Variants in RIC1 observed in about 807,000 individuals in gnomAD.
The protein encoded by RIC1 is RIC1 partner of RAB6A GEF complex, also known as guanine nucleotide exchange factor subunit RIC1.
In RIC1, 88 loss-of-function variants were observed where a neutral mutation model predicts 169.0. The ratio of observed to expected loss-of-function variants is 0.52; its 90% CI spans 0.44 to 0.62. The LOEUF is 0.62. RIC1 is among the 20% of genes least tolerant of loss of function. The probability of loss-of-function intolerance (pLI) is 0.00; values close to 1 mark genes in which losing one functional copy is unlikely to be tolerated. For missense variants in RIC1, 1,877 were observed against 1,725.5 expected (o/e 1.09, Z -1.56); for synonymous variants, 790 against 601.5 (o/e 1.31, Z -4.59).
intron 2 of RIC1, among the ~76,000 whole-genome samples, chr9:5,687,557 T>G (rs1464792619): frequency 6.6e-6 from 1 of 152,160 alleles, no homozygotes; most frequent in East Asian, 1.9e-4. Flanking sequence ...AAAATTTCCC[T>G]TTTTCTCCTT....
Position 5,629,301 on chromosome 9 carries a change from G to A in RIC1, c.-9G>A, listed in dbSNP as rs1201295095. On this transcript the variant is annotated 5_prime_UTR_variant, in exon 1 of 26. Transcript: ENST00000414202. ...CGCAACTGGGGGCGCCGGGGGCTCC[G>A]CACGGACCATGTATTTTCTGAGCGG... 8.6e-6 allele frequency: 13 copies of A among 1,503,782 alleles called. No homozygotes were observed. The highest frequency in any genetic ancestry group is 1.1e-5 in the Non-Finnish European group (13 of 1,132,080). The allele number at this position is 1,503,782 out of a possible 1,614,324, so 93.2% of individuals were successfully genotyped here.
At chr9:5,661,420 T>G in intron 2 of RIC1, among the ~76,000 whole-genome samples, 1 of 152,224 alleles carries the variant, frequency 6.6e-6, no homozygotes, top group Non-Finnish European at 1.5e-5. Context: ...TAAATTACTT[T>G]GGGTAGTATA....
At chr9:5,773,715 TA>T (rs1316653531) in intron 25 of RIC1, among the ~76,000 whole-genome samples, 1 of 152,236 alleles carries the variant, frequency 6.6e-6, no homozygotes, top group Non-Finnish European at 1.5e-5. Context: ...ATACTGGTTC[TA>T]AAACATCAGC....
chr9:5,715,776 G>T (rs1262895244), intron 4 of RIC1, among the ~76,000 whole-genome samples: 1 of 151,832 alleles, frequency 6.6e-6, no homozygotes, highest in African/African-American at 2.4e-5. Flanking sequence ...TAATTTTAAT[G>T]AGAGTTTCCC....
chr9:5,775,434 ATAACAGTAT>A lies in RIC1; in HGVS notation c.*1192_*1200del. Reference sequence around the variant, plus strand: ...CACTGTATGTAATTCTAATTACCTTATAACAGTATTAAGACAGCTTGTTTGTACTGTGCA... The same window carrying A: ...CACTGTATGTAATTCTAATTACCTTATAAGACAGCTTGTTTGTACTGTGCA... On this transcript the variant is annotated 3_prime_UTR_variant, in exon 26 of 26. Coordinates refer to ENST00000414202, the MANE Select transcript of RIC1 (RefSeq NM_020829.4). The A allele has an allele frequency of 6.6e-6, 1 of 152,364 alleles. No homozygotes were observed. The highest frequency in any genetic ancestry group is 2.1e-4 in the South Asian group (1 of 4,832). 9.4% of individuals were successfully genotyped at this position (152,364 alleles called of 1,614,324 possible).
In RIC1 at chr9:5,763,536, G is replaced by C. The variant is rs755968626; in HGVS notation, c.2509G>C (p.Val837Leu). 6.2e-7 allele frequency: 1 copy of C among 1,614,080 alleles called. No homozygotes were observed. Among genetic ancestry groups the C allele is most frequent in the East Asian group, 2.2e-5 (1 of 44,876 alleles). Reference protein sequence around the residue: ...YLHHILRQLLVRNLGEQALLL... With the variant: ...YLHHILRQLLLRNLGEQALLL... Reference sequence around the variant, plus strand: ...CCACCACATTCTACGTCAACTTCTGGTCAGAAACCTTGGGGAGCAAGCCTT... The same window carrying C: ...CCACCACATTCTACGTCAACTTCTGCTCAGAAACCTTGGGGAGCAAGCCTT... The change falls in exon 19 of 26, where the codon GTC (valine) becomes CTC (leucine). Residue 837 changes from valine to leucine, a missense_variant. Around this residue, in one of 3 missense-constraint regions of RIC1, gnomAD observed 92 missense variants for 151.5 expected, o/e 0.61. Coordinates refer to ENST00000414202, the MANE Select transcript of RIC1 (RefSeq NM_020829.4). This position sits in a 1 kb window ranked among gnomAD's most constrained non-coding sequence, Gnocchi z 5.2.
At chr9:5,749,359 G>A (rs1372365794) in intron 12 of RIC1, among the ~76,000 whole-genome samples, 1 of 152,280 alleles carries the variant, frequency 6.6e-6, no homozygotes, top group South Asian at 2.1e-4. Context: ...GTATAGGGCA[G>A]TATACAGTGT....
intron 7 of RIC1, among the ~76,000 whole-genome samples, chr9:5,738,098 A>G (rs377051723): frequency 1.3e-5 from 2 of 152,172 alleles, no homozygotes; most frequent in African/African-American, 4.8e-5. Flanking sequence ...CAGTGCTGTA[A>G]GGTATAGTAT....
intron 23 of RIC1, 58 bp downstream of exon 23, chr9:5,770,336 T>C (rs1827122566): frequency 1.4e-6 from 2 of 1,403,884 alleles, no homozygotes; most frequent in South Asian, 1.3e-5. Context: ...TTATGTGCTA[T>C]AGCACTTCAG....
intron 6 of RIC1, among the ~76,000 whole-genome samples, chr9:5,726,499 C>A (rs1277359728): frequency 6.6e-6 from 1 of 152,170 alleles, no homozygotes; most frequent in South Asian, 2.1e-4. Flanking sequence ...GGTCTTGACA[C>A]TTTATCCAAT....
intron 3 of RIC1, among the ~76,000 whole-genome samples, chr9:5,702,503 TTTTTG>T (rs1240890964): frequency 2.9e-4 from 42 of 143,532 alleles, no homozygotes; most frequent in Admixed American, 4.8e-4. Flanking sequence ...ACACACTTTT[TTTTTG>T]TTTTGTTTTG....
Position 5,774,371 on chromosome 9 carries a change from G to A in RIC1, c.*125G>A. The A allele has an allele frequency of 1.4e-6, 1 of 691,542 alleles. No homozygotes were observed. Among genetic ancestry groups the A allele is most frequent in the Non-Finnish European group, 2.2e-6 (1 of 447,672 alleles). The allele number at this position is 691,542 out of a possible 1,614,324, so 42.8% of individuals were successfully genotyped here. ...AGAGACTCTTCGGTAAGTATTAGTA[G>A]ATTTTAACTAATTCTTTCTTGTCTA... is the stretch of plus-strand genomic sequence containing the variant. On this transcript the variant is annotated 3_prime_UTR_variant, in exon 26 of 26. Transcript: ENST00000414202.
intron 15 of RIC1, among the ~76,000 whole-genome samples, chr9:5,755,457 G>T (rs1825950215): frequency 6.6e-6 from 1 of 152,212 alleles, no homozygotes; most frequent in Non-Finnish European, 1.5e-5. Flanking sequence ...AATAAAAGTT[G>T]TATGAATGTG....
At chr9:5,660,218 G>T (rs909538896) in intron 2 of RIC1, among the ~76,000 whole-genome samples, 2 of 152,156 alleles carry the variant, frequency 1.3e-5, no homozygotes, top group African/African-American at 4.8e-5. Context: ...GTATTCCATC[G>T]TGTATATGTA....
intron 1 of RIC1, among the ~76,000 whole-genome samples, chr9:5,655,793 G>A (rs1297666965): frequency 6.6e-6 from 1 of 152,038 alleles, no homozygotes; most frequent in African/African-American, 2.4e-5. Context: ...TTAATACCTT[G>A]TTGGATTTGA....
At chr9:5,707,243 T>C (rs1361984891) in intron 3 of RIC1, among the ~76,000 whole-genome samples, 2 of 152,192 alleles carry the variant, frequency 1.3e-5, no homozygotes, top group African/African-American at 4.8e-5. Context: ...TTAGAGAAGA[T>C]ACTTTATGTG....
intron 2 of RIC1, among the ~76,000 whole-genome samples, chr9:5,680,814 G>GTTTTTT (rs1309041549): frequency 6.0e-5 from 4 of 66,818 alleles, no homozygotes; most frequent in East Asian, 7.5e-4. Flanking sequence ...TGCAGTCATT[G>GTTTTTT]ATTTTTTTTT....
intron 1 of RIC1, among the ~76,000 whole-genome samples, chr9:5,654,577 T>A (rs1818979542): frequency 6.6e-6 from 1 of 152,034 alleles, no homozygotes; most frequent in South Asian, 2.1e-4. Flanking sequence ...TCAGTTTCTG[T>A]TGCCTAGGGT....
intron 16 of RIC1, among the ~76,000 whole-genome samples, chr9:5,756,927 G>GT (rs1826048589): frequency 6.6e-6 from 1 of 152,170 alleles, no homozygotes; most frequent in Non-Finnish European, 1.5e-5. Flanking sequence ...GTTAATTGAA[G>GT]TATGTATTTA....
Sources: allele counts gnomAD v4.1 joint callset (sites outside exome capture counted in the v4.1 genomes callset), GRCh38; gene constraint gnomAD v4.1.1; regional missense constraint gnomAD v4.1.1; non-coding constraint Gnocchi (gnomAD v3.1); transcripts MANE v1.5; gene names NCBI Gene and HGNC (gene_info 2026-07-23, HGNC 2026-07-21).